B9D1: variants seen among roughly 807,000 people sequenced by gnomAD.
B9D1 encodes B9 domain containing 1, also known as B9 domain-containing protein 1.
A neutral mutation model predicts 26.1 loss-of-function variants in B9D1; 20 were observed. The observed-to-expected ratio is 0.77, with a 90% CI of 0.54 to 1.12. The LOEUF is 1.12. B9D1 is among the 50% of genes most tolerant of loss of function. B9D1 has a pLI of 0.00. For missense variants in B9D1, 260 were observed against 273.7 expected, an observed-to-expected ratio of 0.95 and a Z score of 0.35; for synonymous variants, 105 against 103.1, an observed-to-expected ratio of 1.02 and a Z score of -0.11.
intron 1 of B9D1, among the ~76,000 whole-genome samples, chr17:19,376,859 C>T (rs1307623956): frequency 8.6e-5 from 13 of 151,700 alleles, no homozygotes; most frequent in Non-Finnish European, 1.2e-4. Context: ...AACCCTAGGT[C>T]TCCACAACCC....
At chr17:19,365,492 G>A (rs1240360957), upstream of B9D1, among the ~76,000 whole-genome samples, 3 of 152,240 alleles carry the variant, frequency 2.0e-5, no homozygotes, top group Non-Finnish European at 4.4e-5. This position sits in a 1 kb window ranked among gnomAD's most constrained non-coding sequence, Gnocchi z 5.0. Context: ...GGCACCAGGT[G>A]TCCAGGAAGA....
chr17:19,341,189 G>A, downstream of B9D1: 2 of 1,231,522 alleles, frequency 1.6e-6, no homozygotes, highest in Non-Finnish European at 2.0e-6. Context: ...GACAAATGGG[G>A]CCTGAGGCTT....
chr17:19,372,506 C>A lies in B9D1; in HGVS notation c.-298+5353G>T, dbSNP rs944682894. The stretch of plus-strand genomic sequence containing the variant: ...TTTGCCCCCACTGTCCCTCTGCTGC[C>A]GCATGCTCGTCTATTAGGTCCTGAC... On this transcript the variant is annotated intron_variant, in intron 1 of 5. Transcript: ENST00000477478. The surrounding 1 kb of genome is among the most constrained non-coding windows in gnomAD (Gnocchi z 4.4). 6.6e-6 allele frequency among the ~76,000 whole-genome samples: 1 copy of A among 152,224 alleles called. No individual in the cohort carries two copies.
chr17:19,346,755 G>A (rs1024895706), intron 5 of B9D1, among the ~76,000 whole-genome samples: 2 of 152,082 alleles, frequency 1.3e-5, no homozygotes, highest in Admixed American at 6.5e-5. Context: ...CCACACCACC[G>A]TCCTGGCTTC....
rs539208337 is a variant in B9D1 at position 19,353,715 on chromosome 17, C to A, written c.244+4125G>T. 3.3e-5 allele frequency among the ~76,000 whole-genome samples: 5 copies of A among 151,960 alleles called. No individual in the cohort carries two copies. In the East Asian group the frequency reaches 9.7e-4, roughly 29 times the overall value. On this transcript the variant is annotated intron_variant, in intron 3 of 6. Transcript: ENST00000261499. ...CAGCCCTTTGGGAGGCCGAGGTGGG[C>A]GGATCATTTGAGGTCAGGAGTTCGA...
At chr17:19,337,857 T>A, downstream of B9D1, 2 of 363,262 alleles carry the variant, frequency 5.5e-6, no homozygotes, top group African/African-American at 2.3e-5. Flanking sequence ...TCGGCCCCCA[T>A]CCAGATGTGG....
At chr17:19,346,815 T>A (rs533298823) in intron 5 of B9D1, 1 of 962,190 alleles carries the variant, frequency 1.0e-6, no homozygotes, top group African/African-American at 1.7e-5. Flanking sequence ...CACTGTTCCC[T>A]GTGCCTGATG....
chr17:19,345,301 A>G (rs57560323), intron 5 of B9D1, among the ~76,000 whole-genome samples: 2,122 of 152,306 alleles, frequency 0.014, 35 homozygotes, highest in South Asian at 0.066. Flanking sequence ...TGACAGAGAC[A>G]GGTTCTAGCA....
downstream of B9D1, chr17:19,335,514 A>G: frequency 1.3e-6 from 2 of 1,530,164 alleles, no homozygotes; most frequent in Non-Finnish European, 1.8e-6. Flanking sequence ...CGCTCAGGCT[A>G]AAGATGGGGA....
chr17:19,343,694 G>T (rs1311000396), intron 6 of B9D1, 96 bp downstream of exon 6: 5 of 1,612,288 alleles, frequency 3.1e-6, no homozygotes, highest in Non-Finnish European at 4.2e-6. Context: ...CTATGTGCCT[G>T]GCAGGTCCCC....
At chr17:19,341,275 G>C, downstream of B9D1, 1 of 1,231,908 alleles carries the variant, frequency 8.1e-7, no homozygotes, top group Non-Finnish European at 1.0e-6. Context: ...CAGTGCCCTG[G>C]GTGAGGTGAG....
chr17:19,354,850 T>C (rs1910116207), intron 3 of B9D1, among the ~76,000 whole-genome samples: 6 of 152,086 alleles, frequency 3.9e-5, no homozygotes, highest in Admixed American at 3.9e-4. Flanking sequence ...AAAAAAAGAT[T>C]TTCTTTTTGT....
rs948245926 is a variant in B9D1 at position 19,362,669 on chromosome 17, C to T, written c.-100G>A. ...AACAGACGGCGTAGCGCGCAGGACACGTTTCTTGGCAGCGACACCTTCGCG... is the reference window on the plus strand; with the variant it reads ...AACAGACGGCGTAGCGCGCAGGACATGTTTCTTGGCAGCGACACCTTCGCG... On this transcript the variant is annotated 5_prime_UTR_variant, in exon 1 of 7. The change creates a new upstream start codon in the 5' untranslated region. Transcript: ENST00000261499. 1.8e-5 allele frequency: 27 copies of T among 1,540,272 alleles called. 1 individual carries two copies. Among genetic ancestry groups the T allele is most frequent in the South Asian group, 2.4e-5 (2 of 84,024 alleles).
rs746507456 is a variant in B9D1 at position 19,343,594 on chromosome 17, G to A, written c.473-133C>T. ...AGTGCCTGACCCAAGCCCCTCACTG[G>A]GAGGTAAAGGGGCTGCCGGGACAGG... On this transcript the variant is annotated intron_variant, in intron 6 of 6. Coordinates refer to ENST00000261499, the MANE Select transcript of B9D1 (RefSeq NM_015681.6). The A allele has an allele frequency of 2.5e-6, 4 of 1,573,944 alleles. No homozygotes were observed. In the African/African-American group the frequency reaches 4.1e-5, roughly 16 times the overall value.
downstream of B9D1, chr17:19,337,795 C>G (rs543765057): frequency 1.4e-6 from 2 of 1,434,208 alleles, no homozygotes; most frequent in Admixed American, 2.0e-5. Context: ...TTTCTTACAG[C>G]CAGGCCTGGA....
At chr17:19,338,889 A>C (rs1907677197), downstream of B9D1, among the ~76,000 whole-genome samples, 1 of 152,212 alleles carries the variant, frequency 6.6e-6, no homozygotes, top group African/African-American at 2.4e-5. Flanking sequence ...GTGATAAATG[A>C]TAGTGGTTTT....
In B9D1 at chr17:19,343,231, C is replaced by T; in HGVS notation, c.*88G>A. On this transcript the variant is annotated 3_prime_UTR_variant, in exon 7 of 7. Transcript: ENST00000261499. The stretch of plus-strand genomic sequence containing the variant: ...TATTCTGTGTGCCCCCAGCTCTGGC[C>T]ACCAGGCTGCCCCTCAGGCCGATGG... 6 of 1,601,808 alleles carry T rather than the reference C, an allele frequency of 3.7e-6. No homozygotes were observed. The highest frequency in any genetic ancestry group is 1.1e-5 in the South Asian group (1 of 90,036).
At position 19,355,652 on chromosome 17, in the gene B9D1, AC is replaced by A; in HGVS notation, c.244+2187del. Among the ~76,000 whole-genome samples the A allele has an allele frequency of 2.0e-5, 3 of 149,842 alleles. No homozygotes were observed. The Admixed American group carries it at 2.0e-4, about 10-fold the overall frequency. On this transcript the variant is annotated intron_variant, in intron 3 of 6. Coordinates refer to ENST00000261499, the MANE Select transcript of B9D1 (RefSeq NM_015681.6). ...AGACCATCCTGGCTAACACGGTGAA[AC>A]CCCGTCTCTACTAAAAATACAAAAA...
intron 1 of B9D1, among the ~76,000 whole-genome samples, chr17:19,376,867 C>T (rs1358944389): frequency 1.3e-5 from 2 of 151,954 alleles, no homozygotes; most frequent in Non-Finnish European, 2.9e-5. Flanking sequence ...GTCTCCACAA[C>T]CCCTTATCAT....
Sources: allele counts gnomAD v4.1 joint callset (sites outside exome capture counted in the v4.1 genomes callset), GRCh38; gene constraint gnomAD v4.1.1; non-coding constraint Gnocchi (gnomAD v3.1); transcripts MANE v1.5; gene names NCBI Gene and HGNC (gene_info 2026-07-23, HGNC 2026-07-21).